The following C20orf203 variants were observed in gnomAD, a reference collection of about 807,000 sequenced individuals.
C20orf203 encodes the protein chromosome 20 open reading frame 203, also known as uncharacterized protein C20orf203.
A neutral mutation model predicts 15.9 loss-of-function variants in C20orf203; 16 were observed. That is an observed-to-expected ratio of 1.01 (90% CI 0.68 to 1.53). The LOEUF (loss-of-function observed/expected upper bound fraction) is 1.53. C20orf203 is among the 40% of genes most tolerant of loss of function. The pLI, the probability that C20orf203 is intolerant of heterozygous loss-of-function variation, is 0.00. For missense variants in C20orf203, 263 were observed against 247.5 expected (o/e 1.06, Z -0.42); for synonymous variants, 98 against 97.2 (o/e 1.01, Z -0.05).
In C20orf203 at chr20:32,631,840, T is replaced by A. The variant is rs1162364886; in HGVS notation, c.*3730A>T. 1.3e-5 allele frequency: 2 copies of A among 152,180 alleles called. No homozygotes were observed. Among genetic ancestry groups the A allele is most frequent in the African/African-American group, 4.8e-5 (2 of 41,430 alleles). 9.4% of individuals were successfully genotyped at this position (152,180 alleles called of 1,614,324 possible). On this transcript the variant is annotated 3_prime_UTR_variant, in exon 6 of 6. Transcript: ENST00000608990. ...GCCTGTTTGGTAGTCTCAAGCTACA[T>A]CTGGAGACTCTTCCTAAATCCACTG...
intron 3 of C20orf203, 37 bp downstream of exon 3, chr20:32,650,981 C>G: frequency 6.9e-7 from 1 of 1,449,382 alleles, no homozygotes; most frequent in Non-Finnish European, 9.1e-7. Context: ...TCCCCAGTGT[C>G]AGCCCAGGTG....
chr20:32,643,892 C>T (rs1444020535), intron 4 of C20orf203, among the ~76,000 whole-genome samples: 2 of 152,162 alleles, frequency 1.3e-5, no homozygotes, highest in East Asian at 3.8e-4. Flanking sequence ...AGGAGAAGTG[C>T]CTTTCTGTTT....
intron 1 of C20orf203, chr20:32,657,107 G>T (rs1982777868): frequency 2.6e-5 from 4 of 154,134 alleles, no homozygotes; most frequent in Non-Finnish European, 5.7e-5. Flanking sequence ...CCAGCACTTT[G>T]GGAGGCTGAG....
At chr20:32,659,604 C>G (rs996800160) in intron 1 of C20orf203, among the ~76,000 whole-genome samples, 1 of 152,246 alleles carries the variant, frequency 6.6e-6, no homozygotes, top group Non-Finnish European at 1.5e-5. Context: ...GAGACTGGAC[C>G]TGGCTGGACC....
chr20:32,667,457 G>A (rs909118207), intron 1 of C20orf203, among the ~76,000 whole-genome samples: 2 of 152,200 alleles, frequency 1.3e-5, no homozygotes, highest in Non-Finnish European at 1.5e-5. Flanking sequence ...AGACAGGGAG[G>A]CAGGCCTGGC....
chr20:32,640,078 T>G (rs1982240213), intron 5 of C20orf203, among the ~76,000 whole-genome samples: 1 of 152,140 alleles, frequency 6.6e-6, no homozygotes, highest in African/African-American at 2.4e-5. Context: ...GGAAGTAGAA[T>G]TTGTTTTTAT....
In C20orf203 at chr20:32,632,929, A is replaced by C. The variant is rs960734922; in HGVS notation, c.*2641T>G. Reference sequence around the variant, plus strand: ...GCTGGGGAGGCCTCAGGAAACTTACAATCATGGTGGAAGGCAGCTCTTCAC... The same window carrying C: ...GCTGGGGAGGCCTCAGGAAACTTACCATCATGGTGGAAGGCAGCTCTTCAC... On this transcript the variant is annotated 3_prime_UTR_variant, in exon 6 of 6. Coordinates refer to ENST00000608990, the MANE Select transcript of C20orf203 (RefSeq NM_182584.4). The C allele has an allele frequency of 1.3e-5, 2 of 152,288 alleles. No individual in the cohort carries two copies. The highest frequency in any genetic ancestry group is 4.8e-5 in the African/African-American group (2 of 41,446). 9.4% of individuals were successfully genotyped at this position (152,288 alleles called of 1,614,324 possible).
intron 1 of C20orf203, among the ~76,000 whole-genome samples, chr20:32,655,100 C>A (rs1188081651): frequency 6.6e-6 from 1 of 152,164 alleles, no homozygotes; most frequent in Non-Finnish European, 1.5e-5. Context: ...AGGTCAGACC[C>A]CTGCCTCACA....
intron 4 of C20orf203, among the ~76,000 whole-genome samples, chr20:32,647,409 A>AAG (rs990473046): frequency 2.7e-5 from 4 of 149,926 alleles, no homozygotes; most frequent in African/African-American, 9.8e-5. Flanking sequence ...AAAAAAAAAA[A>AAG]AAGAAGAACT....
In C20orf203 at chr20:32,644,856, G is replaced by A. The variant is rs377763634; in HGVS notation, c.*1178-4169C>T. On this transcript the variant is annotated intron_variant, in intron 4 of 5. Coordinates refer to ENST00000608990, the MANE Select transcript of C20orf203 (RefSeq NM_182584.4). ...CATGCATCGTGTACCTGTATGGTGA[G>A]ATCTCAATTCTGATAATAATCCCTC... Among the ~76,000 whole-genome samples the A allele has an allele frequency of 1.2e-4, 18 of 151,996 alleles. No homozygotes were observed. The South Asian group carries it at 3.7e-3, about 32-fold the overall frequency.
At chr20:32,655,741 C>T (rs144203364) in intron 1 of C20orf203, among the ~76,000 whole-genome samples, 1 of 152,160 alleles carries the variant, frequency 6.6e-6, no homozygotes, top group African/African-American at 2.4e-5. Context: ...TGCAGTGAGC[C>T]AAGATCACAC....
intron 1 of C20orf203, among the ~76,000 whole-genome samples, chr20:32,653,321 T>C (rs1229431680): frequency 1.3e-5 from 2 of 152,144 alleles, no homozygotes; most frequent in Non-Finnish European, 2.9e-5. Context: ...CAATGCTTTT[T>C]TTTAGGGGGT....
rs1289806927 is a variant in C20orf203 at position 32,633,247 on chromosome 20, A to C, written c.*2323T>G. ...CAAACCAGGATGGTTGGTCACCCTA[A>C]AGGTAAACTGAGGCTTGGAGGGTAA... On this transcript the variant is annotated 3_prime_UTR_variant, in exon 6 of 6. Transcript: ENST00000608990. The C allele has an allele frequency of 6.6e-6, 1 of 152,164 alleles. No homozygotes were observed. Among genetic ancestry groups the C allele is most frequent in the Non-Finnish European group, 1.5e-5 (1 of 68,020 alleles). 9.4% of individuals were successfully genotyped at this position (152,164 alleles called of 1,614,324 possible).
chr20:32,651,332 G>A (rs982883376), intron 2 of C20orf203, among the ~76,000 whole-genome samples, 166 bp from the exon 3 acceptor site: 8 of 148,822 alleles, frequency 5.4e-5, no homozygotes, highest in Non-Finnish European at 8.9e-5. Context: ...GTGGGCAACA[G>A]AGCGAAACCC....
chr20:32,671,508 T>C (rs1983164079), intron 1 of C20orf203, among the ~76,000 whole-genome samples: 1 of 150,794 alleles, frequency 6.6e-6, no homozygotes, highest in Non-Finnish European at 1.5e-5. Context: ...AGAAAAAAAA[T>C]AAAGACAAAA....
chr20:32,670,321 A>G (rs1019790611), intron 1 of C20orf203, among the ~76,000 whole-genome samples: 19 of 152,052 alleles, frequency 1.2e-4, no homozygotes, highest in African/African-American at 4.6e-4. Flanking sequence ...CTTGGCCAAC[A>G]TGGTGAAACC....
intron 1 of C20orf203, among the ~76,000 whole-genome samples, chr20:32,654,644 A>G (rs371720666): frequency 3.0e-4 from 45 of 152,132 alleles, no homozygotes; most frequent in African/African-American, 1.0e-3. Flanking sequence ...GGAGTTTGAG[A>G]CCAGCCTGGG....
intron 1 of C20orf203, chr20:32,656,671 G>A (rs946605498): frequency 1.3e-5 from 2 of 152,052 alleles, no homozygotes; most frequent in Admixed American, 6.6e-5. Context: ...AGAACACCCA[G>A]GGCAACATGG....
At chr20:32,636,626 C>G (rs1982144875) in intron 5 of C20orf203, among the ~76,000 whole-genome samples, 1 of 152,152 alleles carries the variant, frequency 6.6e-6, no homozygotes. Context: ...TGGAAGACAG[C>G]CTCGTCCTCA....
Sources: allele counts gnomAD v4.1 joint callset (sites outside exome capture counted in the v4.1 genomes callset), GRCh38; gene constraint gnomAD v4.1.1; transcripts MANE v1.5; gene names NCBI Gene and HGNC (gene_info 2026-07-23, HGNC 2026-07-21).